The following NAP1L4 variants were observed in gnomAD, a reference collection of about 807,000 sequenced individuals.
The protein encoded by NAP1L4 is nucleosome assembly protein 1 like 4, also known as nucleosome assembly protein 1-like 4.
Under a neutral mutation model 58.2 loss-of-function variants are expected in NAP1L4, and 15 were observed. The ratio of observed to expected loss-of-function variants is 0.26; its 90% CI spans 0.17 to 0.40. The LOEUF (loss-of-function observed/expected upper bound fraction) is 0.40, where lower values mean the gene tolerates loss of function less well. NAP1L4 is among the 10% of genes least tolerant of loss of function. The pLI, the probability that NAP1L4 is intolerant of heterozygous loss-of-function variation, is 1.00. For synonymous variants in NAP1L4, 171 were observed against 155.6 expected, an observed-to-expected ratio of 1.10 and a Z score of -0.74; for missense variants, 384 against 451.1, an observed-to-expected ratio of 0.85 and a Z score of 1.35.
rs532794582 is a variant in NAP1L4 at position 2,963,581 on chromosome 11, C to A, written c.606+1099G>T. Reference sequence around the variant, plus strand: ...GACAGATACAGGTACATCCACTGCCCACCCCTGCTGCTGCCCCAGGCATTA... The same window carrying A: ...GACAGATACAGGTACATCCACTGCCAACCCCTGCTGCTGCCCCAGGCATTA... On this transcript the variant is annotated intron_variant, in intron 8 of 15. Coordinates refer to ENST00000380542, the MANE Select transcript of NAP1L4 (RefSeq NM_005969.4). Among the ~76,000 whole-genome samples the A allele has an allele frequency of 9.8e-5, 15 of 152,296 alleles. No individual in the cohort carries two copies. The East Asian group carries it at 2.7e-3, about 27-fold the overall frequency.
intron 2 of NAP1L4, 80 bp from the exon 3 acceptor site, chr11:2,978,422 C>T: frequency 7.6e-7 from 1 of 1,321,298 alleles, no homozygotes; most frequent in Non-Finnish European, 1.1e-6. Context: ...GTTTCTTATT[C>T]AATATATTAA....
At chr11:2,963,843 G>A (rs10488672) in intron 8 of NAP1L4, 5,271 of 519,238 alleles carry the variant, frequency 0.01, 218 homozygotes, top group African/African-American at 0.091. Flanking sequence ...CTATTGCACC[G>A]GAATGGAACC....
In NAP1L4 at chr11:2,978,355, T is replaced by A. The variant is rs7929963; in HGVS notation, c.15-13A>T. The A allele has an allele frequency of 5.5e-3, 8,914 of 1,612,642 alleles. 438 individuals are homozygous for A. In the African/African-American group the frequency reaches 0.1, roughly 19 times the overall value. ...CCCATCTGAAAAACTAAAACAACAG[T>A]ATGTTTAAAAAGTATTACTGTAAAG... On this transcript the variant is annotated splice_polypyrimidine_tract_variant and intron_variant, in intron 2 of 15. Transcript: ENST00000380542.
Position 2,967,151 on chromosome 11 carries a change from C to T in NAP1L4, c.535-2400G>A, listed in dbSNP as rs367815589. On this transcript the variant is annotated intron_variant, in intron 7 of 15. Coordinates refer to ENST00000380542, the MANE Select transcript of NAP1L4 (RefSeq NM_005969.4). ...GGGCATAGTGGCGCATATCTACAGT[C>T]CCAGCTACTCGAGAGGACCCCTTGA... Among the ~76,000 whole-genome samples the T allele has an allele frequency of 1.6e-4, 25 of 152,302 alleles. No homozygotes were observed. The East Asian group carries it at 2.3e-3, about 14-fold the overall frequency.
At chr11:2,974,506 T>C (rs2133981860) in intron 4 of NAP1L4, among the ~76,000 whole-genome samples, 1 of 152,160 alleles carries the variant, frequency 6.6e-6, no homozygotes, top group East Asian at 1.9e-4. Context: ...TATCACCCCA[T>C]CCCATCAATC....
intron 1 of NAP1L4, among the ~76,000 whole-genome samples, chr11:2,984,853 A>G (rs1193027779): frequency 2.0e-5 from 3 of 151,446 alleles, no homozygotes; most frequent in Admixed American, 6.6e-5. Context: ...GACTACATCT[A>G]TTCCTTGATA....
At chr11:2,952,552 C>T (rs997736634) in intron 12 of NAP1L4, 4 of 152,304 alleles carry the variant, frequency 2.6e-5, no homozygotes, top group East Asian at 1.9e-4. Flanking sequence ...GAGCCAACTT[C>T]GGTGGAACTT....
chr11:2,953,483 G>A (rs1421626893), intron 12 of NAP1L4, among the ~76,000 whole-genome samples: 1 of 152,234 alleles, frequency 6.6e-6, no homozygotes, highest in Non-Finnish European at 1.5e-5. Flanking sequence ...GCAGGCAGAG[G>A]ACAGTTCCAT....
At chr11:2,960,060 A>T (rs769587149) in intron 8 of NAP1L4, 151 bp from the exon 9 acceptor site, 38 of 765,762 alleles carry the variant, frequency 5.0e-5, no homozygotes, top group Non-Finnish European at 7.6e-5. Context: ...CGCAAAAAAG[A>T]CTAGCGTGAG....
chr11:2,952,078 T>C (rs542810322), intron 12 of NAP1L4: 9 of 549,340 alleles, frequency 1.6e-5, no homozygotes, highest in East Asian at 6.0e-5. Context: ...GCTGGGAACC[T>C]GGCACCACAG....
rs1349144754 is a variant in NAP1L4, at chr11:2,954,469, C to T, written c.1035+58G>A. On this transcript the variant is annotated intron_variant, in intron 12 of 15. Coordinates refer to ENST00000380542, the MANE Select transcript of NAP1L4 (RefSeq NM_005969.4). This position sits in a 1 kb window ranked among gnomAD's most constrained non-coding sequence, Gnocchi z 4.8. ...TTTCCTAAGCCACAATTCAGGGCCA[C>T]TCTGCACCAACAGAGATAAGCACCC... The T allele has an allele frequency of 2.5e-6, 4 of 1,611,644 alleles. No homozygotes were observed. Among genetic ancestry groups the T allele is most frequent in the East Asian group, 4.5e-5 (2 of 44,826 alleles).
At position 2,959,333 on chromosome 11, in the gene NAP1L4, G is replaced by GT. The variant is rs1429821348; in HGVS notation, c.746+436dup. ...TAGTGATTTATAAAGACTGAAATCAGTGAGTCAAACAACAGCTATGCTGCC... is the reference window on the plus strand; with the variant it reads ...TAGTGATTTATAAAGACTGAAATCAGTTGAGTCAAACAACAGCTATGCTGCC... On this transcript the variant is annotated intron_variant, in intron 9 of 15. Transcript: ENST00000380542. The surrounding 1 kb of genome is among the most constrained non-coding windows in gnomAD (Gnocchi z 4.9). Among the ~76,000 whole-genome samples, 1 of 152,202 alleles carries GT rather than the reference G, an allele frequency of 6.6e-6. No individual in the cohort carries two copies. The highest frequency in any genetic ancestry group is 2.4e-5 in the African/African-American group (1 of 41,438).
intron 1 of NAP1L4, chr11:2,989,134 G>T (rs1848810896): frequency 6.6e-6 from 1 of 152,116 alleles, no homozygotes. Flanking sequence ...CTTACCTCAG[G>T]AGGTCCCACA....
chr11:2,978,034 C>T (rs1848070964), intron 3 of NAP1L4, among the ~76,000 whole-genome samples: 1 of 152,108 alleles, frequency 6.6e-6, no homozygotes, highest in Admixed American at 6.5e-5. Flanking sequence ...ATTTGTTAAT[C>T]AATACTAAAG....
rs558612514 is a variant in NAP1L4, at chr11:2,963,287, A to G, written c.606+1393T>C. ...AGCACCGCACGCTCACACCATGGGG[A>G]AGAGAATGCACACCAACGAGGGCAA... is the stretch of plus-strand genomic sequence containing the variant. On this transcript the variant is annotated intron_variant, in intron 8 of 15. Coordinates refer to ENST00000380542, the MANE Select transcript of NAP1L4 (RefSeq NM_005969.4). Among the ~76,000 whole-genome samples, 16 of 152,264 alleles carry G rather than the reference A, an allele frequency of 1.1e-4. No homozygotes were observed. The South Asian group carries it at 3.1e-3, about 30-fold the overall frequency.
intron 4 of NAP1L4, among the ~76,000 whole-genome samples, chr11:2,975,269 T>C (rs147160518): frequency 6.6e-6 from 1 of 151,888 alleles, no homozygotes; most frequent in Non-Finnish European, 1.5e-5. Context: ...AATGAACTAT[T>C]ACATGCCACT....
intron 1 of NAP1L4, among the ~76,000 whole-genome samples, chr11:2,982,264 C>A (rs961169251): frequency 6.6e-6 from 1 of 152,182 alleles, no homozygotes; most frequent in African/African-American, 2.4e-5. Flanking sequence ...AACAGTTACA[C>A]AATAACATCA....
intron 1 of NAP1L4, chr11:2,989,746 GAC>G (rs898748971): frequency 6.6e-6 from 1 of 152,210 alleles, no homozygotes; most frequent in African/African-American, 2.4e-5. Flanking sequence ...TAAAAACTCT[GAC>G]AGGTTAGGAA....
chr11:2,980,804 CTTT>C (rs1396099192), intron 1 of NAP1L4, among the ~76,000 whole-genome samples: 1 of 152,086 alleles, frequency 6.6e-6, no homozygotes, highest in South Asian at 2.1e-4. Context: ...AACTCAACTA[CTTT>C]TTTAAAATTT....
Sources: allele counts gnomAD v4.1 joint callset (sites outside exome capture counted in the v4.1 genomes callset), GRCh38; gene constraint gnomAD v4.1.1; non-coding constraint Gnocchi (gnomAD v3.1); transcripts MANE v1.5; gene names NCBI Gene and HGNC (gene_info 2026-07-23, HGNC 2026-07-21).